Variants in HRH1 observed in about 807,000 individuals in gnomAD.
HRH1 encodes the protein histamine receptor H1, also known as histamine H1 receptor.
HRH1 carries 6 observed loss-of-function variants against 10.3 expected under a neutral mutation model. The ratio of observed to expected loss-of-function variants is 0.58; its 90% CI spans 0.32 to 1.15. The LOEUF (loss-of-function observed/expected upper bound fraction) is 1.15. Among genes scored for constraint, HRH1 ranks in the 50% most tolerant of loss-of-function variants. The pLI, the probability that HRH1 is intolerant of heterozygous loss-of-function variation, is 0.05. For missense variants in HRH1, 514 were observed against 615.3 expected, an observed-to-expected ratio of 0.84 and a Z score of 1.74; for synonymous variants, 242 against 236.7, an observed-to-expected ratio of 1.02 and a Z score of -0.21.
chr3:11,229,546 G>T (rs1300238365), intron 1 of HRH1, among the ~76,000 whole-genome samples: 1 of 152,138 alleles, frequency 6.6e-6, no homozygotes, highest in Non-Finnish European at 1.5e-5. Flanking sequence ...GACTCTCACA[G>T]ATTTTCAAGT....
intron 1 of HRH1, among the ~76,000 whole-genome samples, chr3:11,141,886 G>A (rs1380181923): frequency 6.6e-6 from 1 of 152,122 alleles, no homozygotes; most frequent in East Asian, 1.9e-4. Context: ...CAACTAGAAA[G>A]TGACATAGCC....
At chr3:11,171,369 G>A (rs552370355) in intron 1 of HRH1, among the ~76,000 whole-genome samples, 1 of 152,226 alleles carries the variant, frequency 6.6e-6, no homozygotes, top group South Asian at 2.1e-4. Flanking sequence ...ACCTACCTTG[G>A]CCTCCCAAAG....
rs1004669698 is a variant in HRH1, at chr3:11,246,603, T to A, written c.-35-12400T>A. Among the ~76,000 whole-genome samples the A allele has an allele frequency of 2.6e-5, 4 of 152,256 alleles. No homozygotes were observed. The East Asian group carries it at 7.7e-4, about 29-fold the overall frequency. ...GAACTATCCATTCAAGCTATTTTTT[T>A]ATTCATTTCACAGTACATTGCAGAC... is the stretch of plus-strand genomic sequence containing the variant. On this transcript the variant is annotated intron_variant, in intron 1 of 1. Coordinates refer to ENST00000431010, the MANE Select transcript of HRH1 (RefSeq NM_001098212.2).
intron 1 of HRH1, among the ~76,000 whole-genome samples, chr3:11,252,965 C>T (rs1219749452): frequency 1.3e-5 from 2 of 152,044 alleles, no homozygotes; most frequent in Admixed American, 1.3e-4. Context: ...AGGAATTTTC[C>T]GTGATTGATT....
chr3:11,240,039 G>A (rs1939292944), intron 1 of HRH1, among the ~76,000 whole-genome samples: 1 of 152,146 alleles, frequency 6.6e-6, no homozygotes, highest in Non-Finnish European at 1.5e-5. Flanking sequence ...CTGGGTCAGA[G>A]ATAACTTCTG....
At chr3:11,234,997 C>T (rs904770845) in intron 1 of HRH1, among the ~76,000 whole-genome samples, 5 of 151,984 alleles carry the variant, frequency 3.3e-5, no homozygotes, top group Admixed American at 1.3e-4. Flanking sequence ...GGGCGGATCA[C>T]GAGGTCAGGA....
intron 1 of HRH1, among the ~76,000 whole-genome samples, chr3:11,180,436 A>G (rs774529268): frequency 1.2e-4 from 19 of 152,312 alleles, no homozygotes; most frequent in Non-Finnish European, 2.4e-4. Context: ...ACAATTATCA[A>G]TAAGGTTCGA....
At chr3:11,252,151 G>A (rs765090433) in intron 1 of HRH1, among the ~76,000 whole-genome samples, 12 of 152,196 alleles carry the variant, frequency 7.9e-5, no homozygotes, top group Non-Finnish European at 1.6e-4. Flanking sequence ...TGAGCTTTTT[G>A]TATGAGAGTT....
At position 11,194,452 on chromosome 3, in the gene HRH1, C is replaced by T. The variant is rs372104782; in HGVS notation, c.-36+39898C>T. On this transcript the variant is annotated intron_variant, in intron 1 of 1. Coordinates refer to ENST00000431010, the MANE Select transcript of HRH1 (RefSeq NM_001098212.2). ...AGACTCTGCGCCAGACACTTACCCACGCTTCATCTCAATGTTACATAAATT... is the reference window on the plus strand; with the variant it reads ...AGACTCTGCGCCAGACACTTACCCATGCTTCATCTCAATGTTACATAAATT... Among the ~76,000 whole-genome samples the T allele has an allele frequency of 2.5e-4, 38 of 152,328 alleles. No homozygotes were observed. In the South Asian group the frequency reaches 6.2e-3, roughly 25 times the overall value.
At chr3:11,229,800 A>T (rs1438961194) in intron 1 of HRH1, among the ~76,000 whole-genome samples, 1 of 152,242 alleles carries the variant, frequency 6.6e-6, no homozygotes, top group Non-Finnish European at 1.5e-5. Context: ...CTTGTTTTTC[A>T]TACGTGGTAG....
chr3:11,171,629 A>T (rs148720720), intron 1 of HRH1, among the ~76,000 whole-genome samples: 1 of 152,240 alleles, frequency 6.6e-6, no homozygotes, highest in African/African-American at 2.4e-5. Context: ...GCCAAGAAGC[A>T]TTCAGACATC....
chr3:11,260,391 T>C lies in HRH1; in HGVS notation c.1354T>C (p.Phe452Leu). The C allele has an allele frequency of 6.2e-7, 1 of 1,614,206 alleles. No individual in the cohort carries two copies. The highest frequency in any genetic ancestry group is 8.5e-7 in the Non-Finnish European group (1 of 1,180,038). Reference protein sequence around the residue: ...KNCCNEHLHMFTIWLGYINST... With the variant: ...KNCCNEHLHMLTIWLGYINST... The stretch of plus-strand genomic sequence containing the variant: ...CTGTTGCAATGAACATTTGCACATG[T>C]TCACCATCTGGCTGGGCTACATCAA... The change falls in exon 2 of 2, where the codon TTC becomes CTC. Residue 452 changes from phenylalanine to leucine, a missense_variant. Transcript: ENST00000431010.
chr3:11,252,132 C>T (rs1027583213), intron 1 of HRH1, among the ~76,000 whole-genome samples: 1 of 152,174 alleles, frequency 6.6e-6, no homozygotes, highest in Non-Finnish European at 1.5e-5. Context: ...GGGTCTGGCT[C>T]GTCTTGTGTG....
intron 1 of HRH1, among the ~76,000 whole-genome samples, chr3:11,179,816 G>A (rs1297926564): frequency 6.7e-6 from 1 of 150,328 alleles, no homozygotes; most frequent in Non-Finnish European, 1.5e-5. Context: ...TGCCACCCAG[G>A]CTGGAGTGCA....
rs199749810 is a variant in HRH1, at chr3:11,260,568, G to T, written c.*67G>T. The T allele has an allele frequency of 1.1e-5, 16 of 1,448,036 alleles. No individual in the cohort carries two copies. The highest frequency in any genetic ancestry group is 1.5e-5 in the Non-Finnish European group (16 of 1,069,190). The allele number at this position is 1,448,036 out of a possible 1,614,324, so 89.7% of individuals were successfully genotyped here. On this transcript the variant is annotated 3_prime_UTR_variant, in exon 2 of 2. Coordinates refer to ENST00000431010, the MANE Select transcript of HRH1 (RefSeq NM_001098212.2). ...TCCAACAAGGAAATAGAGGACGAAG[G>T]CCTGTGTGTTGCCAGGCAGGCACCT...
chr3:11,180,386 A>T (rs923283281), intron 1 of HRH1, among the ~76,000 whole-genome samples: 19 of 152,130 alleles, frequency 1.2e-4, no homozygotes, highest in African/African-American at 4.6e-4. Context: ...TATTAGTTAG[A>T]TTCTCGTAAG....
At chr3:11,142,861 C>T (rs1378657113) in intron 1 of HRH1, among the ~76,000 whole-genome samples, 1 of 151,988 alleles carries the variant, frequency 6.6e-6, no homozygotes, top group Non-Finnish European at 1.5e-5. Context: ...TTGCAGTGTG[C>T]CAAGATCACG....
chr3:11,137,265 G>A (rs1462277500), exon 1 of HRH1: 2 of 152,294 alleles, frequency 1.3e-5, no homozygotes, highest in Admixed American at 6.5e-5. Context: ...TAGCCGTAGA[G>A]AAGTTGTCCG....
chr3:11,187,276 G>T (rs1361327503), intron 1 of HRH1, among the ~76,000 whole-genome samples: 1 of 152,108 alleles, frequency 6.6e-6, no homozygotes, highest in Non-Finnish European at 1.5e-5. Flanking sequence ...ACAGATATTT[G>T]TTAAAAGGGT....
Sources: gnomAD v4.1 joint callset for allele counts (sites outside exome capture counted in the v4.1 genomes callset) on GRCh38, gnomAD v4.1.1 for gene constraint, MANE v1.5 for transcripts, NCBI Gene and HGNC (gene_info 2026-07-23, HGNC 2026-07-21) for gene names.